The following LOC400499 variants were observed in gnomAD, a reference collection of about 807,000 sequenced individuals.
At chr16:11,419,196 AAT>A in the LOC400499 span, among the ~76,000 whole-genome samples, 1 of 141,406 alleles carries the variant, frequency 7.1e-6, no homozygotes, top group Admixed American at 7.0e-5. Context: ...CAACAAAAAA[AAT>A]ATACTACAAG....
At chr16:11,473,872 T>G in the LOC400499 span, among the ~76,000 whole-genome samples, 1 of 152,176 alleles carries the variant, frequency 6.6e-6, no homozygotes, top group African/African-American at 2.4e-5. Context: ...GATAGCTAGC[T>G]AGAGACAGAA....
chr16:11,487,029 G>C, the LOC400499 span, among the ~76,000 whole-genome samples: 2,787 of 151,974 alleles, frequency 0.018, 81 homozygotes, highest in African/African-American at 0.064. Context: ...GGACAGATGA[G>C]CAGGTCAGTG....
the LOC400499 span, among the ~76,000 whole-genome samples, chr16:11,521,419 C>T: frequency 6.6e-6 from 1 of 152,200 alleles, no homozygotes; most frequent in Non-Finnish European, 1.5e-5. Context: ...TCTGCAACCA[C>T]CAAGTGGGCC....
chr16:11,400,284 G>A, the LOC400499 span, among the ~76,000 whole-genome samples: 2 of 151,756 alleles, frequency 1.3e-5, no homozygotes, highest in Non-Finnish European at 2.9e-5. Flanking sequence ...GCCTTTGCAC[G>A]GGCTTTTCCT....
At chr16:11,497,555 G>C in the LOC400499 span, among the ~76,000 whole-genome samples, 2 of 152,204 alleles carry the variant, frequency 1.3e-5, no homozygotes, top group African/African-American at 4.8e-5. Context: ...ACCAAAGCTG[G>C]AGCCAGAAGC....
chr16:11,443,928 A>G, the LOC400499 span, among the ~76,000 whole-genome samples: 2 of 151,212 alleles, frequency 1.3e-5, no homozygotes, highest in Non-Finnish European at 2.9e-5. Flanking sequence ...TCTGCCTCCC[A>G]GTTTCAAGTG....
chr16:11,478,555 G>A, the LOC400499 span: 18 of 398,898 alleles, frequency 4.5e-5, no homozygotes, highest in Non-Finnish European at 7.5e-5. Flanking sequence ...GGCGAGCTCG[G>A]CCAAGTTAAG....
chr16:11,394,218 G>A, the LOC400499 span, among the ~76,000 whole-genome samples: 1 of 152,202 alleles, frequency 6.6e-6, no homozygotes, highest in Non-Finnish European at 1.5e-5. Context: ...CAGGCACTGG[G>A]CAGCTTACCT....
At chr16:11,456,707 C>T in the LOC400499 span, among the ~76,000 whole-genome samples, 2 of 142,832 alleles carry the variant, frequency 1.4e-5, no homozygotes, top group Non-Finnish European at 3.2e-5. Context: ...GGATTACAGG[C>T]GTGAGCCACT....
chr16:11,402,688 C>G, the LOC400499 span, among the ~76,000 whole-genome samples: 1 of 152,200 alleles, frequency 6.6e-6, no homozygotes, highest in Admixed American at 6.5e-5. Flanking sequence ...CCAGCCAAGG[C>G]CAGCGGAGCC....
the LOC400499 span, among the ~76,000 whole-genome samples, chr16:11,516,784 C>T: frequency 6.6e-6 from 1 of 152,196 alleles, no homozygotes; most frequent in South Asian, 2.1e-4. Flanking sequence ...TGGCTGGGAC[C>T]ACAGACATAT....
At chr16:11,392,847 C>A in the LOC400499 span, 4 of 973,856 alleles carry the variant, frequency 4.1e-6, no homozygotes, top group Non-Finnish European at 4.9e-6. Context: ...CAGGTTTTTT[C>A]GTTTTTGTTT....
chr16:11,457,208 A>G, the LOC400499 span: 2 of 608,654 alleles, frequency 3.3e-6, no homozygotes, highest in South Asian at 4.2e-5. Flanking sequence ...AGCGTTGGTA[A>G]GGATGTGGAG....
the LOC400499 span, among the ~76,000 whole-genome samples, chr16:11,405,321 C>T: frequency 6.6e-6 from 1 of 152,162 alleles, no homozygotes; most frequent in Non-Finnish European, 1.5e-5. Flanking sequence ...TATCATGCTC[C>T]CAAGCCAGTG....
At chr16:11,525,830 G>C in the LOC400499 span, among the ~76,000 whole-genome samples, 1 of 152,098 alleles carries the variant, frequency 6.6e-6, no homozygotes, top group African/African-American at 2.4e-5. Context: ...TTAAATTTCA[G>C]AAAAATGAAG....
the LOC400499 span, chr16:11,448,213 T>A: frequency 9.1e-7 from 1 of 1,103,274 alleles, no homozygotes; most frequent in Non-Finnish European, 1.3e-6. Context: ...GCTACTGAAC[T>A]GAGCCACAGC....
the LOC400499 span, among the ~76,000 whole-genome samples, chr16:11,496,888 A>ATG: frequency 0.04 from 5,743 of 144,214 alleles, 129 homozygotes; most frequent in Non-Finnish European, 0.055. Flanking sequence ...GTATGCCTCA[A>ATG]TGTGTGTGTG....
chr16:11,406,301 T>A, the LOC400499 span, among the ~76,000 whole-genome samples: 10 of 152,246 alleles, frequency 6.6e-5, no homozygotes, highest in African/African-American at 2.2e-4. Context: ...CTAGTTCACT[T>A]AGGATAATTG....
the LOC400499 span, among the ~76,000 whole-genome samples, chr16:11,378,339 C>T: frequency 6.7e-6 from 1 of 149,570 alleles, no homozygotes; most frequent in Admixed American, 6.7e-5. Context: ...TCTCAGCTTA[C>T]TGCAACCTCT....
Sources: allele counts gnomAD v4.1 joint callset (sites outside exome capture counted in the v4.1 genomes callset), GRCh38; gene constraint gnomAD v4.1.1; transcripts MANE v1.5.